Variants in NRXN1 observed in about 807,000 individuals in gnomAD.
NRXN1 encodes neurexin 1.
NRXN1 carries 39 observed loss-of-function variants against 150.9 expected under a neutral mutation model. That is an observed-to-expected ratio of 0.26 (90% CI 0.20 to 0.34). The LOEUF is 0.34. Among genes scored for constraint, NRXN1 ranks in the 10% least tolerant of loss-of-function variants. The pLI is 1.00. For missense variants in NRXN1, 1,815 were observed against 1,949.9 expected, an observed-to-expected ratio of 0.93 and a Z score of 1.30; for synonymous variants, 924 against 757.0, an observed-to-expected ratio of 1.22 and a Z score of -3.62.
intron 21 of NRXN1, chr2:50,023,563 T>G (rs923910787): frequency 1.3e-5 from 2 of 152,174 alleles, no homozygotes; most frequent in Non-Finnish European, 2.9e-5. Flanking sequence ...AATACAAGGC[T>G]TCATGGAGGT....
At chr2:50,459,646 TTC>T (rs768978303) in intron 17 of NRXN1, among the ~76,000 whole-genome samples, 10 of 152,154 alleles carry the variant, frequency 6.6e-5, no homozygotes, top group African/African-American at 1.2e-4. Context: ...ATTATCTCAT[TTC>T]TTTTTATGTT....
In NRXN1 at chr2:51,027,543, T is replaced by C; in HGVS notation, c.731A>G (p.Asp244Gly). The C allele has an allele frequency of 6.3e-7, 1 of 1,582,490 alleles. No homozygotes were observed. The highest frequency in any genetic ancestry group is 8.6e-7 in the Non-Finnish European group (1 of 1,160,068). ...CSVVDDQAVC[D>G]CSRTGFRGKD... is the part of the protein sequence containing the mutation. The stretch of plus-strand genomic sequence containing the variant: ...GCCGCGGAAGCCGGTTCGCGAGCAG[T>C]CGCACACGGCCTGGTCGTCCACCAC... The change falls in exon 2 of 23, where the codon GAC becomes GGC. Residue 244 changes from aspartate (D) to glycine (G), a missense_variant. Physicochemically the swap from Asp to Gly is moderately conservative, Grantham distance 94. Transcript: ENST00000401669.
intron 8 of NRXN1, chr2:50,615,913 T>C (rs1678986700): frequency 6.6e-6 from 1 of 152,158 alleles, no homozygotes; most frequent in African/African-American, 2.4e-5. Flanking sequence ...CAGCTCTTAC[T>C]CAGTGTTATC....
intron 5 of NRXN1, among the ~76,000 whole-genome samples, chr2:50,779,125 T>A (rs1325172875): frequency 6.6e-6 from 1 of 152,130 alleles, no homozygotes; most frequent in East Asian, 1.9e-4. Flanking sequence ...GCTGCACCCA[T>A]TACCCTGTCA....
intron 17 of NRXN1, among the ~76,000 whole-genome samples, chr2:50,402,827 A>C (rs892108038): frequency 6.6e-6 from 1 of 151,822 alleles, no homozygotes; most frequent in African/African-American, 2.4e-5. Flanking sequence ...TTAAGCCTCA[A>C]CTCCTCCCTG....
At chr2:49,992,320 A>T (rs1363029) in intron 21 of NRXN1, among the ~76,000 whole-genome samples, 1 of 151,550 alleles carries the variant, frequency 6.6e-6, no homozygotes, top group Non-Finnish European at 1.5e-5. Flanking sequence ...TGGGTGAATC[A>T]TGAGGTCAGG....
intron 8 of NRXN1, among the ~76,000 whole-genome samples, chr2:50,591,397 T>G (rs1558984968): frequency 6.9e-6 from 1 of 145,714 alleles, no homozygotes; most frequent in Non-Finnish European, 1.5e-5. Flanking sequence ...GATAGATAGA[T>G]AGATAGATAG....
chr2:50,364,745 G>C (rs2079469246), intron 17 of NRXN1, among the ~76,000 whole-genome samples: 1 of 152,132 alleles, frequency 6.6e-6, no homozygotes, highest in East Asian at 1.9e-4. Context: ...TCTTTTGGCA[G>C]TAGCAACCAG....
intron 17 of NRXN1, among the ~76,000 whole-genome samples, chr2:50,399,605 T>G (rs1346651353): frequency 1.3e-5 from 2 of 151,670 alleles, no homozygotes; most frequent in Non-Finnish European, 2.9e-5. Flanking sequence ...CCATCACTTG[T>G]GTGCATGGAG....
intron 19 of NRXN1, among the ~76,000 whole-genome samples, chr2:50,060,859 A>T (rs1323943351): frequency 8.5e-5 from 13 of 152,272 alleles, no homozygotes; most frequent in African/African-American, 3.1e-4. Context: ...GAATGCATTA[A>T]ACCTCTTTTT....
At chr2:50,917,794 C>CA (rs1172501316) in intron 5 of NRXN1, 3 of 151,578 alleles carry the variant, frequency 2.0e-5, no homozygotes, top group African/African-American at 2.4e-5. Flanking sequence ...CTGTTACTTA[C>CA]AAGCTACCCA....
intron 5 of NRXN1, among the ~76,000 whole-genome samples, chr2:50,817,450 T>C (rs1559304951): frequency 6.6e-6 from 1 of 152,048 alleles, no homozygotes; most frequent in Non-Finnish European, 1.5e-5. Flanking sequence ...CTAATTCTTC[T>C]CAGAATTTTC....
chr2:50,987,379 A>T (rs888324014), intron 2 of NRXN1, among the ~76,000 whole-genome samples: 1 of 152,072 alleles, frequency 6.6e-6, no homozygotes, highest in East Asian at 1.9e-4. Context: ...CTGCTATTAC[A>T]TAGAGTCAGG....
intron 5 of NRXN1, among the ~76,000 whole-genome samples, chr2:50,786,786 T>A (rs191467909): frequency 1.3e-5 from 2 of 152,174 alleles, no homozygotes; most frequent in Non-Finnish European, 2.9e-5. Context: ...TACTGATTAA[T>A]GCCCGCATAA....
intron 5 of NRXN1, among the ~76,000 whole-genome samples, chr2:50,721,468 AT>A (rs1162155292): frequency 6.6e-6 from 1 of 152,188 alleles, no homozygotes; most frequent in African/African-American, 2.4e-5. Context: ...CCACTTTTGT[AT>A]TTATAGTTAT....
intron 19 of NRXN1, among the ~76,000 whole-genome samples, chr2:50,072,960 A>G (rs1696524940): frequency 6.6e-6 from 1 of 152,228 alleles, no homozygotes; most frequent in East Asian, 1.9e-4. Context: ...GACAAACTTC[A>G]AAATATTTTT....
intron 5 of NRXN1, among the ~76,000 whole-genome samples, chr2:50,671,535 T>C (rs2104729693): frequency 6.6e-6 from 1 of 151,830 alleles, no homozygotes; most frequent in African/African-American, 2.4e-5. Context: ...ATTCATCCAG[T>C]CAGATAAATC....
At chr2:50,833,871 T>C (rs974850831) in intron 5 of NRXN1, among the ~76,000 whole-genome samples, 1 of 152,224 alleles carries the variant, frequency 6.6e-6, no homozygotes, top group African/African-American at 2.4e-5. Flanking sequence ...GTCAGTATTC[T>C]TTTGTATTTT....
At chr2:50,944,430 G>C (rs532908509) in intron 2 of NRXN1, among the ~76,000 whole-genome samples, 10 of 152,024 alleles carry the variant, frequency 6.6e-5, no homozygotes, top group Non-Finnish European at 1.5e-4. Flanking sequence ...TACTTCATAG[G>C]ATTATTTTAA....
Sources: gnomAD v4.1 joint callset for allele counts (sites outside exome capture counted in the v4.1 genomes callset) on GRCh38, gnomAD v4.1.1 for gene constraint, MANE v1.5 for transcripts, NCBI Gene and HGNC (gene_info 2026-07-23, HGNC 2026-07-21) for gene names.